Variants in EML4 observed in about 807,000 individuals in gnomAD.
EML4 encodes echinoderm microtubule-associated protein-like 4.
EML4 carries 72 observed loss-of-function variants against 129.0 expected under a neutral mutation model. That is an observed-to-expected ratio of 0.56 (90% CI 0.46 to 0.68). EML4 has a LOEUF of 0.68. Among genes scored for constraint, EML4 ranks in the 30% least tolerant of loss-of-function variants. The probability of loss-of-function intolerance (pLI) is 0.00; values close to 1 mark genes in which losing one functional copy is unlikely to be tolerated. For synonymous variants in EML4, 532 were observed against 405.0 expected, an observed-to-expected ratio of 1.31 and a Z score of -3.77; for missense variants, 1,363 against 1,190.6, an observed-to-expected ratio of 1.14 and a Z score of -2.13.
chr2:42,295,628 C>A, intron 13 of EML4, 112 bp downstream of exon 13: 1 of 760,188 alleles, frequency 1.3e-6, no homozygotes, highest in South Asian at 2.6e-5. Context: ...ATGAGCAAGT[C>A]ACCAACATAC....
At chr2:42,235,898 A>T (rs991608215) in intron 1 of EML4, among the ~76,000 whole-genome samples, 9 of 152,190 alleles carry the variant, frequency 5.9e-5, no homozygotes, top group African/African-American at 1.9e-4. Flanking sequence ...ATTGTTCTCC[A>T]AAGAATAAAG....
intron 2 of EML4, among the ~76,000 whole-genome samples, chr2:42,251,371 G>GTA (rs1229837981): frequency 3.3e-5 from 5 of 152,224 alleles, no homozygotes; most frequent in Non-Finnish European, 7.3e-5. Context: ...ATATTGGCAG[G>GTA]TGTTGCCTCA....
chr2:42,254,648 A>G (rs1353553639), intron 2 of EML4, among the ~76,000 whole-genome samples: 1 of 151,308 alleles, frequency 6.6e-6, no homozygotes, highest in African/African-American at 2.4e-5. Flanking sequence ...GAAAATAACA[A>G]GTGTTGGCAA....
intron 1 of EML4, among the ~76,000 whole-genome samples, chr2:42,226,938 A>G (rs1464181679): frequency 6.6e-6 from 1 of 152,170 alleles, no homozygotes. Flanking sequence ...CTAGAAATAT[A>G]TATATAAATT....
intron 1 of EML4, among the ~76,000 whole-genome samples, chr2:42,236,978 A>G (rs1674718445): frequency 6.6e-6 from 1 of 152,166 alleles, no homozygotes; most frequent in African/African-American, 2.4e-5. Context: ...GTGTTTAGAA[A>G]GACTGGCAAA....
At chr2:42,186,670 T>C (rs1427847183) in intron 1 of EML4, among the ~76,000 whole-genome samples, 1 of 152,238 alleles carries the variant, frequency 6.6e-6, no homozygotes, top group Non-Finnish European at 1.5e-5. Flanking sequence ...ATTTTCATTA[T>C]CAAATGCATT....
intron 14 of EML4, among the ~76,000 whole-genome samples, chr2:42,302,247 G>A (rs1285584675): frequency 6.6e-6 from 1 of 151,922 alleles, no homozygotes; most frequent in Non-Finnish European, 1.5e-5. Flanking sequence ...ATATTTATGG[G>A]ATACAATCTG....
intron 2 of EML4, among the ~76,000 whole-genome samples, chr2:42,254,457 CAA>C (rs1283231073): frequency 1.9e-4 from 19 of 102,412 alleles, no homozygotes; most frequent in Admixed American, 3.3e-4. Context: ...GACTCTGTCT[CAA>C]AAAAAAAAAA....
chr2:42,224,808 A>C (rs1673848183), intron 1 of EML4, among the ~76,000 whole-genome samples: 1 of 152,122 alleles, frequency 6.6e-6, no homozygotes, highest in South Asian at 2.1e-4. Context: ...CATTTTAATC[A>C]ATTTTAACTT....
At chr2:42,240,348 C>A (rs1300492826) in intron 1 of EML4, among the ~76,000 whole-genome samples, 7 of 152,188 alleles carry the variant, frequency 4.6e-5, no homozygotes, top group African/African-American at 2.4e-5. Flanking sequence ...TCTAATCTTA[C>A]CTTCCTAGCC....
intron 11 of EML4, 24 bp from the exon 12 acceptor site, chr2:42,295,101 A>G: frequency 6.3e-7 from 1 of 1,594,224 alleles, no homozygotes; most frequent in Non-Finnish European, 8.5e-7. Context: ...ACATTCATCT[A>G]AAGCTTTATT....
intron 9 of EML4, among the ~76,000 whole-genome samples, chr2:42,285,011 C>CG: frequency 6.6e-6 from 1 of 152,140 alleles, no homozygotes; most frequent in Middle Eastern, 3.4e-3. Context: ...CCAGTGTCTG[C>CG]GGGAAGGTAC....
At chr2:42,302,132 C>G (rs928266045) in intron 14 of EML4, among the ~76,000 whole-genome samples, 3 of 152,036 alleles carry the variant, frequency 2.0e-5, no homozygotes, top group African/African-American at 7.2e-5. Context: ...AATGAAATTG[C>G]TCTCCCAAGG....
intron 1 of EML4, among the ~76,000 whole-genome samples, chr2:42,235,675 A>T (rs1674627221): frequency 6.6e-6 from 1 of 152,086 alleles, no homozygotes; most frequent in Non-Finnish European, 1.5e-5. Context: ...TGTTCTTGGG[A>T]TGATATTATA....
At chr2:42,214,822 G>T (rs1673085804) in intron 1 of EML4, among the ~76,000 whole-genome samples, 1 of 152,146 alleles carries the variant, frequency 6.6e-6, no homozygotes, top group Non-Finnish European at 1.5e-5. Context: ...ACTTCTTAAA[G>T]GGCAGCTCAG....
Position 42,330,362 on chromosome 2 carries a change from C to G in EML4, c.*155C>G. 1.4e-6 allele frequency: 1 copy of G among 728,910 alleles called. No homozygotes were observed. 45.2% of individuals were successfully genotyped at this position (728,910 alleles called of 1,614,324 possible). On this transcript the variant is annotated 3_prime_UTR_variant, in exon 23 of 23. Transcript: ENST00000318522. ...TTCAATAGTCTTATTTTCAGTCTCTCAAATACAGCCAACTTAAAGTTTTAG... is the reference window on the plus strand; with the variant it reads ...TTCAATAGTCTTATTTTCAGTCTCTGAAATACAGCCAACTTAAAGTTTTAG...
intron 1 of EML4, among the ~76,000 whole-genome samples, chr2:42,245,126 G>C (rs1198736635): frequency 5.0e-5 from 2 of 39,806 alleles, no homozygotes; most frequent in East Asian, 6.1e-4. Flanking sequence ...ACAGACTCTT[G>C]CTCTGTTGCC....
intron 1 of EML4, among the ~76,000 whole-genome samples, chr2:42,229,071 T>C (rs1338687988): frequency 6.6e-6 from 1 of 152,178 alleles, no homozygotes; most frequent in East Asian, 1.9e-4. Flanking sequence ...ACTTTGATCG[T>C]GTACCCTAGG....
intron 1 of EML4, among the ~76,000 whole-genome samples, chr2:42,233,220 AT>A (rs2104213558): frequency 6.6e-6 from 1 of 151,590 alleles, no homozygotes; most frequent in South Asian, 2.1e-4. Flanking sequence ...TTAATGTTTT[AT>A]TTTGAGTTGG....
Sources: gnomAD v4.1 joint callset for allele counts (sites outside exome capture counted in the v4.1 genomes callset) on GRCh38, gnomAD v4.1.1 for gene constraint, MANE v1.5 for transcripts, NCBI Gene and HGNC (gene_info 2026-07-23, HGNC 2026-07-21) for gene names.